Variants in BMAL2 observed in about 807,000 individuals in gnomAD.
BMAL2 encodes basic helix-loop-helix ARNT like 2, also known as basic helix-loop-helix ARNT-like protein 2.
chr12:27,338,743 A>G, the BMAL2 span, among the ~76,000 whole-genome samples: 1 of 152,216 alleles, frequency 6.6e-6, no homozygotes, highest in Non-Finnish European at 1.5e-5. Context: ...AGATACATGC[A>G]TCTTCTTTTT....
At chr12:27,378,596 A>T in the BMAL2 span, among the ~76,000 whole-genome samples, 1 of 152,174 alleles carries the variant, frequency 6.6e-6, no homozygotes, top group Non-Finnish European at 1.5e-5. Flanking sequence ...GAAACTGGAG[A>T]TGAAGACATG....
At chr12:27,394,661 C>T in the BMAL2 span, 20 of 152,114 alleles carry the variant, frequency 1.3e-4, no homozygotes, top group African/African-American at 4.8e-4. Flanking sequence ...TAGATTTTAT[C>T]TCAATAAGTT....
chr12:27,410,460 C>T, the BMAL2 span, among the ~76,000 whole-genome samples: 1 of 152,110 alleles, frequency 6.6e-6, no homozygotes, highest in African/African-American at 2.4e-5. Flanking sequence ...ATGGATGAAG[C>T]TGGAAACCAT....
At chr12:27,420,476 G>A in the BMAL2 span, 1 of 1,613,752 alleles carries the variant, frequency 6.2e-7, no homozygotes, top group Admixed American at 1.7e-5. Flanking sequence ...TTACTTAGAA[G>A]CAGAGGGGGG....
chr12:27,378,199 G>A, the BMAL2 span, among the ~76,000 whole-genome samples: 4 of 152,150 alleles, frequency 2.6e-5, no homozygotes, highest in African/African-American at 9.7e-5. Context: ...ATCTTCTGTG[G>A]AAATTTCTTA....
chr12:27,387,350 A>G, the BMAL2 span: 2 of 1,449,440 alleles, frequency 1.4e-6, no homozygotes, highest in African/African-American at 2.8e-5. Flanking sequence ...TTTTCCATAC[A>G]ATGTTTAATT....
At chr12:27,420,019 G>GCGCGCACACACACACACACACA in the BMAL2 span, among the ~76,000 whole-genome samples, 1 of 147,478 alleles carries the variant, frequency 6.8e-6, no homozygotes, top group African/African-American at 2.5e-5. Context: ...GTTTGCGCGT[G>GCGCGCACACACACACACACACA]CACACACACA....
At chr12:27,414,288 C>A in the BMAL2 span, among the ~76,000 whole-genome samples, 2 of 152,146 alleles carry the variant, frequency 1.3e-5, no homozygotes, top group Admixed American at 6.5e-5. Context: ...CAAACAACAT[C>A]AATATGGAAA....
chr12:27,394,880 G>A, the BMAL2 span, among the ~76,000 whole-genome samples: 4 of 152,238 alleles, frequency 2.6e-5, no homozygotes, highest in Non-Finnish European at 4.4e-5. Flanking sequence ...CAGTGAGCAA[G>A]GGAAGGCCAT....
the BMAL2 span, chr12:27,385,552 A>T: frequency 6.3e-7 from 1 of 1,580,978 alleles, no homozygotes; most frequent in South Asian, 1.1e-5. Context: ...CAGACATTTA[A>T]TCCTTAAGGT....
At chr12:27,373,528 G>A in the BMAL2 span, among the ~76,000 whole-genome samples, 2 of 152,196 alleles carry the variant, frequency 1.3e-5, no homozygotes, top group Non-Finnish European at 2.9e-5. Context: ...AGCTGATGGA[G>A]TGGGGAGACT....
At chr12:27,335,644 T>A in the BMAL2 span, among the ~76,000 whole-genome samples, 7 of 152,302 alleles carry the variant, frequency 4.6e-5, no homozygotes, top group South Asian at 8.3e-4. Context: ...AGAAATGCAT[T>A]ATTCAAGATA....
chr12:27,398,175 T>A, the BMAL2 span, among the ~76,000 whole-genome samples: 1 of 152,222 alleles, frequency 6.6e-6, no homozygotes, highest in African/African-American at 2.4e-5. Context: ...ATCTGCTTCC[T>A]CAAGATTTCA....
At chr12:27,386,137 TG>T in the BMAL2 span, among the ~76,000 whole-genome samples, 2 of 152,192 alleles carry the variant, frequency 1.3e-5, no homozygotes, top group African/African-American at 4.8e-5. Context: ...TACACATTTT[TG>T]TCCATTTTTC....
At chr12:27,358,195 A>G in the BMAL2 span, among the ~76,000 whole-genome samples, 1 of 151,740 alleles carries the variant, frequency 6.6e-6, no homozygotes, top group Admixed American at 6.6e-5. Context: ...AACTCCAACA[A>G]ATTAGTAATA....
chr12:27,414,051 C>CA, the BMAL2 span, among the ~76,000 whole-genome samples: 710 of 140,686 alleles, frequency 5.0e-3, 3 homozygotes, highest in African/African-American at 0.016. Context: ...GAAAAACATG[C>CA]AAAAAAAAAA....
At chr12:27,399,250 G>C in the BMAL2 span, among the ~76,000 whole-genome samples, 2 of 152,176 alleles carry the variant, frequency 1.3e-5, no homozygotes, top group Non-Finnish European at 2.9e-5. Flanking sequence ...CTCTCTCTCA[G>C]TTCTCACTGG....
the BMAL2 span, chr12:27,403,629 AC>A: frequency 1.4e-6 from 1 of 700,806 alleles, no homozygotes; most frequent in Non-Finnish European, 2.3e-6. Context: ...CTTCCTATAT[AC>A]AAATGATAAC....
the BMAL2 span, among the ~76,000 whole-genome samples, chr12:27,388,630 G>A: frequency 1.3e-5 from 2 of 152,204 alleles, no homozygotes; most frequent in South Asian, 4.2e-4. Context: ...CAAGGGATAG[G>A]GAAGGGGTGA....
Sources: gnomAD v4.1 joint callset for allele counts (sites outside exome capture counted in the v4.1 genomes callset) on GRCh38, gnomAD v4.1.1 for gene constraint, MANE v1.5 for transcripts, NCBI Gene and HGNC (gene_info 2026-07-23, HGNC 2026-07-21) for gene names.